ACO2: variants seen among roughly 807,000 people sequenced by gnomAD.
ACO2 encodes the protein aconitase 2, also known as aconitate hydratase, mitochondrial.
Under a neutral mutation model 84.5 loss-of-function variants are expected in ACO2, and 31 were observed. The ratio of observed to expected loss-of-function variants is 0.37; its 90% CI spans 0.28 to 0.50. The LOEUF (loss-of-function observed/expected upper bound fraction) is 0.50. Among genes scored for constraint, ACO2 ranks in the 20% least tolerant of loss-of-function variants. ACO2 has a pLI of 0.97. For synonymous variants in ACO2, 414 were observed against 412.7 expected (o/e 1.00, Z -0.04); for missense variants, 685 against 1,029.3 (o/e 0.67, Z 4.58).
chr22:41,526,135 TTGCC>T (rs2066589671), intron 14 of ACO2, 123 bp from the exon 15 acceptor site: 2 of 766,162 alleles, frequency 2.6e-6, no homozygotes, highest in Non-Finnish European at 4.2e-6. Flanking sequence ...GTCTGAAGAC[TTGCC>T]TGCCTCTCAC....
chr22:41,523,809 C>G (rs1001825326), intron 11 of ACO2, 21 bp from the exon 12 acceptor site: 1 of 1,602,840 alleles, frequency 6.2e-7, no homozygotes, highest in East Asian at 2.2e-5. Flanking sequence ...ATCCCTAACC[C>G]TGATCCCTCT....
intron 1 of ACO2, among the ~76,000 whole-genome samples, chr22:41,476,153 A>G (rs748831229): frequency 1.3e-5 from 2 of 152,134 alleles, no homozygotes; most frequent in African/African-American, 2.4e-5. Context: ...CATGCCTGTA[A>G]TCCCAGCACT....
chr22:41,485,814 C>T (rs1202720665), intron 1 of ACO2, among the ~76,000 whole-genome samples: 3 of 152,072 alleles, frequency 2.0e-5, no homozygotes, highest in East Asian at 1.9e-4. Flanking sequence ...CTCAAACTCC[C>T]GACCTCAGGT....
chr22:41,494,175 A>G (rs1205112310), intron 1 of ACO2, among the ~76,000 whole-genome samples: 1 of 152,164 alleles, frequency 6.6e-6, no homozygotes, highest in Non-Finnish European at 1.5e-5. Context: ...TAACACTGTG[A>G]AGTGTATCTC....
rs976996191 is a variant in ACO2, at chr22:41,526,875, C to T, written c.1954-413C>T. The T allele has an allele frequency of 4.2e-5, 13 of 310,882 alleles. 1 individual carries two copies. The highest frequency in any genetic ancestry group is 2.3e-4 in the Admixed American group (5 of 21,304). 19.3% of individuals were successfully genotyped at this position (310,882 alleles called of 1,614,324 possible). On this transcript the variant is annotated intron_variant, in intron 15 of 17. Transcript: ENST00000216254. Reference sequence around the variant, plus strand: ...GGCTGAACCCAAGTCCTGGCCCAGCCGGGTGAAAGGACTCTGGCACCCCCT... The same window carrying T: ...GGCTGAACCCAAGTCCTGGCCCAGCTGGGTGAAAGGACTCTGGCACCCCCT...
At chr22:41,509,370 C>G (rs755798546) in intron 3 of ACO2, among the ~76,000 whole-genome samples, 1 of 152,162 alleles carries the variant, frequency 6.6e-6, no homozygotes, top group Non-Finnish European at 1.5e-5. Context: ...GTGAACAAGT[C>G]AGGCAGGGGC....
chr22:41,497,648 C>T (rs145174105), intron 1 of ACO2, among the ~76,000 whole-genome samples: 2,170 of 152,018 alleles, frequency 0.014, 26 homozygotes, highest in Non-Finnish European at 0.025. Flanking sequence ...TTTGGGAGGC[C>T]GAGGCAGGTG....
intron 1 of ACO2, among the ~76,000 whole-genome samples, chr22:41,478,117 C>T (rs1601879295): frequency 6.6e-6 from 1 of 152,064 alleles, no homozygotes; most frequent in South Asian, 2.1e-4. Flanking sequence ...CATCATCTCC[C>T]CAGATAGCAG....
intron 13 of ACO2, 51 bp downstream of exon 13, chr22:41,525,019 C>T: frequency 1.9e-6 from 3 of 1,613,566 alleles, no homozygotes; most frequent in Non-Finnish European, 2.5e-6. Context: ...CACGTCACTT[C>T]CTTCTCAACC....
intron 8 of ACO2, among the ~76,000 whole-genome samples, chr22:41,519,955 A>G (rs187953797): frequency 3.9e-4 from 59 of 152,270 alleles, no homozygotes; most frequent in Non-Finnish European, 7.8e-4. Flanking sequence ...CAGTTCCTTC[A>G]TCTGCAGAGC....
intron 15 of ACO2, chr22:41,526,663 C>A: frequency 1.9e-6 from 1 of 521,106 alleles, no homozygotes; most frequent in Non-Finnish European, 3.4e-6. Flanking sequence ...CGGGTCCCTG[C>A]ACCAGGAGGA....
At position 41,528,786 on chromosome 22, in the gene ACO2, A is replaced by G. The variant is rs1490920149; in HGVS notation, c.*173A>G. 1.1e-6 allele frequency: 1 copy of G among 942,080 alleles called. No individual in the cohort carries two copies. The highest frequency in any genetic ancestry group is 1.7e-5 in the African/African-American group (1 of 59,436). 58.4% of individuals were successfully genotyped at this position (942,080 alleles called of 1,614,324 possible). A position where few individuals can be genotyped will look rare whatever the true frequency, so the allele number is the denominator to read the frequency against. ...GTGGTTGTGGTGGGGGGGTTCTTAAAATAACTTTTTAGCCCCCGTCTTCCT... is the reference window on the plus strand; with the variant it reads ...GTGGTTGTGGTGGGGGGGTTCTTAAGATAACTTTTTAGCCCCCGTCTTCCT... On this transcript the variant is annotated 3_prime_UTR_variant, in exon 18 of 18. Coordinates refer to ENST00000216254, the MANE Select transcript of ACO2 (RefSeq NM_001098.3).
At chr22:41,517,079 A>G (rs2066481667) in intron 6 of ACO2, among the ~76,000 whole-genome samples, 1 of 152,018 alleles carries the variant, frequency 6.6e-6, no homozygotes. Flanking sequence ...CAAGATCCGA[A>G]TGTCAGCATC....
At chr22:41,518,408 G>A (rs1256100074) in intron 7 of ACO2, 73 bp from the exon 8 acceptor site, 7 of 1,187,738 alleles carry the variant, frequency 5.9e-6, no homozygotes, top group Non-Finnish European at 7.5e-6. Context: ...CAGGTGCTCA[G>A]GTGGGTGGTG....
chr22:41,514,661 C>T (rs954007825), intron 4 of ACO2, among the ~76,000 whole-genome samples: 1 of 152,188 alleles, frequency 6.6e-6, no homozygotes, highest in Non-Finnish European at 1.5e-5. Flanking sequence ...AGGTGTTGAG[C>T]ACTTGGGTGT....
rs184963470 is a variant in ACO2 at position 41,494,385 on chromosome 22, C to A, written c.37-5341C>A. On this transcript the variant is annotated intron_variant, in intron 1 of 17. Coordinates refer to ENST00000216254, the MANE Select transcript of ACO2 (RefSeq NM_001098.3). Reference sequence around the variant, plus strand: ...TCATATTAGAGACATCATAGTCTTTCTTTACCCATAAGTTGTATTCTGTAT... The same window carrying A: ...TCATATTAGAGACATCATAGTCTTTATTTACCCATAAGTTGTATTCTGTAT... 2.6e-3 allele frequency among the ~76,000 whole-genome samples: 398 copies of A among 150,568 alleles called. 3 individuals carry two copies. Among genetic ancestry groups the A allele is most frequent in the African/African-American group, 9.2e-3 (377 of 41,070 alleles).
intron 4 of ACO2, among the ~76,000 whole-genome samples, chr22:41,514,335 A>G (rs1482122432): frequency 2.6e-5 from 4 of 152,194 alleles, no homozygotes; most frequent in African/African-American, 7.2e-5. Flanking sequence ...CTTGCTGCAA[A>G]ACAATAAATA....
chr22:41,497,748 C>T (rs763972078), intron 1 of ACO2, among the ~76,000 whole-genome samples: 1 of 151,728 alleles, frequency 6.6e-6, no homozygotes, highest in Non-Finnish European at 1.5e-5. Flanking sequence ...CAAAGTGTGG[C>T]GGCGTGTGCC....
At chr22:41,521,571 G>C (rs1393232656) in intron 9 of ACO2, 3 of 152,162 alleles carry the variant, frequency 2.0e-5, no homozygotes, top group African/African-American at 7.2e-5. Flanking sequence ...AAAAAATAAA[G>C]TTGTCTGGAG....
Sources: allele counts gnomAD v4.1 joint callset (sites outside exome capture counted in the v4.1 genomes callset), GRCh38; gene constraint gnomAD v4.1.1; transcripts MANE v1.5; gene names NCBI Gene and HGNC (gene_info 2026-07-23, HGNC 2026-07-21).